Variants in RAB38 observed in about 807,000 individuals in gnomAD.
RAB38 encodes the protein RAB38, member RAS oncogene family, also known as ras-related protein Rab-38.
RAB38 carries 15 observed loss-of-function variants against 18.4 expected under a neutral mutation model. That is an observed-to-expected ratio of 0.82 (90% confidence interval 0.55 to 1.26). The LOEUF (loss-of-function observed/expected upper bound fraction) is 1.26. Among genes scored for constraint, RAB38 ranks in the 50% most tolerant of loss-of-function variants. The probability of loss-of-function intolerance (pLI) is 0.00; values close to 1 mark genes in which losing one functional copy is unlikely to be tolerated. For synonymous variants in RAB38, 101 were observed against 104.4 expected, an observed-to-expected ratio of 0.97 and a Z score of 0.20; for missense variants, 294 against 267.4, an observed-to-expected ratio of 1.10 and a Z score of -0.69.
the RAB38 span, among the ~76,000 whole-genome samples, chr11:87,878,615 T>C: frequency 6.6e-6 from 1 of 151,588 alleles, no homozygotes; most frequent in Non-Finnish European, 1.5e-5. Flanking sequence ...AAAAAGCAAT[T>C]TCCATTGCTG....
chr11:87,861,619 A>G, the RAB38 span, among the ~76,000 whole-genome samples: 1 of 151,846 alleles, frequency 6.6e-6, no homozygotes, highest in South Asian at 2.1e-4. Flanking sequence ...TCTGATTATT[A>G]TAAGAGTGTT....
chr11:87,974,811 G>A, the RAB38 span, among the ~76,000 whole-genome samples: 85 of 151,668 alleles, frequency 5.6e-4, 1 homozygote, highest in East Asian at 0.014. Flanking sequence ...AAAAAAAAAG[G>A]TGTAACCATT....
At chr11:87,834,421 A>G in the RAB38 span, among the ~76,000 whole-genome samples, 4,449 of 152,260 alleles carry the variant, frequency 0.029, 138 homozygotes, top group African/African-American at 0.076. Flanking sequence ...GGAGGTAATA[A>G]TTGGGTATTG....
chr11:88,028,736 AC>A, the RAB38 span, among the ~76,000 whole-genome samples: 1 of 152,330 alleles, frequency 6.6e-6, no homozygotes, highest in East Asian at 1.9e-4. Context: ...ATGTGAAAAG[AC>A]CAAATCTACG....
At chr11:87,830,874 C>T in the RAB38 span, among the ~76,000 whole-genome samples, 1 of 152,068 alleles carries the variant, frequency 6.6e-6, no homozygotes, top group Non-Finnish European at 1.5e-5. Flanking sequence ...TCTCGGCTCA[C>T]TGCAACCTCC....
chr11:88,056,171 T>C, the RAB38 span, among the ~76,000 whole-genome samples: 1 of 152,166 alleles, frequency 6.6e-6, no homozygotes, highest in African/African-American at 2.4e-5. Flanking sequence ...ATTGTATTCA[T>C]TGATTTATTT....
the RAB38 span, among the ~76,000 whole-genome samples, chr11:88,079,752 A>G: frequency 6.6e-5 from 10 of 151,836 alleles, no homozygotes; most frequent in African/African-American, 2.4e-4. Flanking sequence ...GTGCAAATCA[A>G]TCTAAGTAAT....
the RAB38 span, among the ~76,000 whole-genome samples, chr11:87,924,704 T>A: frequency 9.2e-4 from 140 of 152,082 alleles, 1 homozygote; most frequent in Non-Finnish European, 2.4e-4. Flanking sequence ...GTAACTCTTT[T>A]TTTCCCTTTT....
chr11:87,956,121 A>G, the RAB38 span, among the ~76,000 whole-genome samples: 22,268 of 148,430 alleles, frequency 0.15, 1,829 homozygotes, highest in South Asian at 0.34. Flanking sequence ...ACATACATGC[A>G]TATACCTTGT....
chr11:87,883,047 T>A, the RAB38 span, among the ~76,000 whole-genome samples: 1 of 151,910 alleles, frequency 6.6e-6, no homozygotes, highest in Non-Finnish European at 1.5e-5. Flanking sequence ...GTGATTGTGG[T>A]CGACAAGGCT....
intron 2 of RAB38, among the ~76,000 whole-genome samples, chr11:88,125,838 T>C (rs1296657722): frequency 6.6e-6 from 1 of 152,254 alleles, no homozygotes. Context: ...CTAGGGTTTT[T>C]ATGGCTTTAG....
chr11:88,086,716 A>G, the RAB38 span, among the ~76,000 whole-genome samples: 1 of 151,896 alleles, frequency 6.6e-6, no homozygotes, highest in South Asian at 2.1e-4. Flanking sequence ...GCAGAAAAAT[A>G]TAAATGGATA....
chr11:88,052,933 T>TTTC, the RAB38 span, among the ~76,000 whole-genome samples: 508 of 26,838 alleles, frequency 0.019, 24 homozygotes, highest in East Asian at 0.047. Flanking sequence ...TATATATATA[T>TTTC]ATATATATAT....
the RAB38 span, among the ~76,000 whole-genome samples, chr11:88,063,047 G>A: frequency 1.3e-5 from 2 of 151,984 alleles, no homozygotes; most frequent in African/African-American, 4.8e-5. Flanking sequence ...TGTTTCAATC[G>A]AATAAACTGT....
chr11:88,150,626 A>G (rs1591171511), intron 1 of RAB38, among the ~76,000 whole-genome samples: 2 of 152,342 alleles, frequency 1.3e-5, no homozygotes, highest in South Asian at 2.1e-4. Flanking sequence ...TGTGATTTAC[A>G]TAAGTGATCA....
the RAB38 span, among the ~76,000 whole-genome samples, chr11:87,873,464 A>T: frequency 6.6e-6 from 1 of 151,522 alleles, no homozygotes; most frequent in Admixed American, 6.6e-5. Context: ...GATGAGGTTC[A>T]ACTTATCAAT....
the RAB38 span, among the ~76,000 whole-genome samples, chr11:87,842,923 G>T: frequency 2.0e-5 from 3 of 152,154 alleles, no homozygotes; most frequent in Non-Finnish European, 2.9e-5. Flanking sequence ...TCAATGAGAA[G>T]TGCAGAATTG....
the RAB38 span, among the ~76,000 whole-genome samples, chr11:87,977,758 TA>T: frequency 1.6e-5 from 1 of 60,988 alleles, no homozygotes; most frequent in Non-Finnish European, 3.3e-5. Flanking sequence ...AATATATATA[TA>T]TTATATTATA....
the RAB38 span, chr11:87,816,401 G>C: frequency 6.6e-6 from 1 of 152,292 alleles, no homozygotes; most frequent in South Asian, 2.1e-4. Context: ...TATTTGGGAG[G>C]TATAATGGTT....
Sources: gnomAD v4.1 joint callset for allele counts (sites outside exome capture counted in the v4.1 genomes callset) on GRCh38, gnomAD v4.1.1 for gene constraint, MANE v1.5 for transcripts, NCBI Gene and HGNC (gene_info 2026-07-23, HGNC 2026-07-21) for gene names.